The following ZNF678 variants were observed in gnomAD, a reference collection of about 807,000 sequenced individuals.
The protein encoded by ZNF678 is hypothetical protein MGC42493.
In ZNF678, 5 loss-of-function variants were observed where a neutral mutation model predicts 3.0. The observed-to-expected ratio is 1.69, with a 90% confidence interval of 0.88 to 3.56. The LOEUF is 3.56. ZNF678 is among the 30% of genes most tolerant of loss of function. ZNF678 has a pLI of 0.00. For missense variants in ZNF678, 593 were observed against 605.0 expected, an observed-to-expected ratio of 0.98 and a Z score of 0.21; for synonymous variants, 218 against 199.6, an observed-to-expected ratio of 1.09 and a Z score of -0.78.
chr1:227,622,712 G>GCC (rs961668788), intron 1 of ZNF678, among the ~76,000 whole-genome samples: 69 of 152,224 alleles, frequency 4.5e-4, no homozygotes, highest in Admixed American at 1.5e-3. Flanking sequence ...AGCCAAGAGA[G>GCC]CCCCTCCTGC....
At chr1:227,665,833 G>GTTATCCTC (rs1293800465), downstream of ZNF678, among the ~76,000 whole-genome samples, 2 of 152,032 alleles carry the variant, frequency 1.3e-5, no homozygotes, top group Non-Finnish European at 2.9e-5. Flanking sequence ...CCAGGGTCCC[G>GTTATCCTC]TTATCCTCTA....
At chr1:227,565,538 T>A (rs77264416) in intron 1 of ZNF678, among the ~76,000 whole-genome samples, 1,372 of 35,358 alleles carry the variant, frequency 0.039, 5 homozygotes, top group Middle Eastern at 0.11. Flanking sequence ...TTTTATTTTA[T>A]TTTTTTGTAG....
intron 1 of ZNF678, among the ~76,000 whole-genome samples, chr1:227,630,697 A>G (rs1658526657): frequency 6.6e-6 from 1 of 152,126 alleles, no homozygotes; most frequent in Non-Finnish European, 1.5e-5. Context: ...AGGGGACATA[A>G]TCAGGGAATA....
At position 227,627,262 on chromosome 1, in the gene ZNF678, A is replaced by G. The variant is rs193167371; in HGVS notation, c.-163-19282A>G. ...TAAGTAATTTCCATTGGTTAGCTGC[A>G]GGCAAAAGTATTTTTCCTTCTTTGG... is the stretch of plus-strand genomic sequence containing the variant. On this transcript the variant is annotated intron_variant, in intron 1 of 3. Transcript: ENST00000343776. Among the ~76,000 whole-genome samples the G allele has an allele frequency of 7.6e-3, 1,158 of 152,076 alleles. 6 individuals are homozygous for G. The highest frequency in any genetic ancestry group is 0.012 in the Admixed American group (181 of 15,274).
At chr1:227,578,936 A>G (rs953961779) in intron 1 of ZNF678, among the ~76,000 whole-genome samples, 3 of 151,920 alleles carry the variant, frequency 2.0e-5, no homozygotes, top group Non-Finnish European at 4.4e-5. Context: ...CTTTTATTGT[A>G]TTTGATTGCC....
In ZNF678 at chr1:227,594,841, G is replaced by GC. The variant is rs796603309; in HGVS notation, c.-164+31125dup. On this transcript the variant is annotated intron_variant, in intron 1 of 3. Coordinates refer to ENST00000343776, the MANE Select transcript of ZNF678 (RefSeq NM_001367909.1). ...ATAATACTCTTTTTACATAAATTCC[G>GC]CCCCCCCCTTTTTTCCTTAGGTTAC... 5.2e-4 allele frequency among the ~76,000 whole-genome samples: 78 copies of GC among 151,322 alleles called. 1 individual carries two copies. Among genetic ancestry groups the GC allele is most frequent in the Middle Eastern group, 3.4e-3 (1 of 292 alleles).
intron 1 of ZNF678, among the ~76,000 whole-genome samples, chr1:227,614,435 C>T (rs969686421): frequency 6.6e-6 from 1 of 152,214 alleles, no homozygotes; most frequent in African/African-American, 2.4e-5. Flanking sequence ...TGCCATCTTG[C>T]ATGTGACAAG....
chr1:227,664,697 G>T (rs755728724), downstream of ZNF678, among the ~76,000 whole-genome samples: 1 of 151,856 alleles, frequency 6.6e-6, no homozygotes, highest in Non-Finnish European at 1.5e-5. Flanking sequence ...TGACTACTGG[G>T]GCTGTCTCTA....
downstream of ZNF678, among the ~76,000 whole-genome samples, chr1:227,663,832 G>A (rs1659456547): frequency 6.6e-6 from 1 of 152,120 alleles, no homozygotes; most frequent in South Asian, 2.1e-4. Flanking sequence ...ACATATTCAG[G>A]TCTTTGTCCT....
intron 5 of ZNF678, among the ~76,000 whole-genome samples, chr1:227,671,245 TAA>T (rs368559721): frequency 6.9e-6 from 1 of 144,990 alleles, no homozygotes; most frequent in African/African-American, 2.5e-5. Flanking sequence ...CTCTACAAAT[TAA>T]AAAAAAAAAA....
At chr1:227,609,207 T>C in intron 1 of ZNF678, among the ~76,000 whole-genome samples, 1 of 151,972 alleles carries the variant, frequency 6.6e-6, no homozygotes, top group East Asian at 1.9e-4. Flanking sequence ...AAAGTTAATA[T>C]ACAATGCACA....
In ZNF678 at chr1:227,638,149, G is replaced by A. The variant is rs776589372; in HGVS notation, c.-163-8395G>A. 1.4e-4 allele frequency among the ~76,000 whole-genome samples: 21 copies of A among 152,160 alleles called. No homozygotes were observed. The highest frequency in any genetic ancestry group is 4.1e-4 in the South Asian group (2 of 4,820). On this transcript the variant is annotated intron_variant, in intron 1 of 3. Coordinates refer to ENST00000343776, the MANE Select transcript of ZNF678 (RefSeq NM_001367909.1). This position sits in a 1 kb window ranked among gnomAD's most constrained non-coding sequence, Gnocchi z 4.2. Reference sequence around the variant, plus strand: ...GGTAGTACACACCAGGTGAGCTGACGTGAAAGGTGGGTGTCGGGGTTTTCC... The same window carrying A: ...GGTAGTACACACCAGGTGAGCTGACATGAAAGGTGGGTGTCGGGGTTTTCC...
At chr1:227,571,797 C>T (rs1280910751) in intron 1 of ZNF678, among the ~76,000 whole-genome samples, 2 of 152,332 alleles carry the variant, frequency 1.3e-5, no homozygotes, top group South Asian at 2.1e-4. Flanking sequence ...AATCCCAGCA[C>T]TTTGAGAGGC....
chr1:227,616,100 AC>A (rs1399964893), intron 1 of ZNF678, among the ~76,000 whole-genome samples: 4 of 152,046 alleles, frequency 2.6e-5, no homozygotes, highest in African/African-American at 9.6e-5. Context: ...CTGGTTGGGC[AC>A]CTCTCACCTG....
At chr1:227,646,505 C>T (rs1227036334) in intron 1 of ZNF678, 39 bp from the exon 2 acceptor site, 1 of 1,352,522 alleles carries the variant, frequency 7.4e-7, no homozygotes, top group Non-Finnish European at 9.8e-7. Flanking sequence ...CTGCCCATGG[C>T]ACATTTTGTA....
chr1:227,592,120 T>G (rs528809666), intron 1 of ZNF678, among the ~76,000 whole-genome samples: 6 of 152,252 alleles, frequency 3.9e-5, no homozygotes, highest in African/African-American at 1.4e-4. Context: ...TCTACATAGT[T>G]ATGTTCAACT....
chr1:227,571,121 A>G (rs1324920153), intron 1 of ZNF678, among the ~76,000 whole-genome samples: 3 of 152,246 alleles, frequency 2.0e-5, no homozygotes, highest in East Asian at 3.8e-4. Context: ...AATAGTATCA[A>G]TGTATTAGTA....
chr1:227,664,107 T>C (rs944962015), downstream of ZNF678, among the ~76,000 whole-genome samples: 1 of 152,072 alleles, frequency 6.6e-6, no homozygotes, highest in Admixed American at 6.5e-5. Flanking sequence ...TCTCCAAAGG[T>C]TGAGGCTTCA....
At chr1:227,630,380 G>A (rs192033267) in intron 1 of ZNF678, among the ~76,000 whole-genome samples, 1 of 152,286 alleles carries the variant, frequency 6.6e-6, no homozygotes, top group Admixed American at 6.5e-5. Flanking sequence ...CTGGCCTGTG[G>A]GGGAATTGTT....
Sources: gnomAD v4.1 joint callset for allele counts (sites outside exome capture counted in the v4.1 genomes callset) on GRCh38, gnomAD v4.1.1 for gene constraint, Gnocchi (gnomAD v3.1) non-coding constraint, MANE v1.5 for transcripts, NCBI Gene and HGNC (gene_info 2026-07-23, HGNC 2026-07-21) for gene names.